Variants in CDKN2A observed in about 807,000 individuals in gnomAD.
The protein encoded by CDKN2A is cyclin-dependent kinase inhibitor 2A.
CDKN2A carries 3 observed loss-of-function variants against 11.1 expected under a neutral mutation model. That is an observed-to-expected ratio of 0.27 (90% CI 0.12 to 0.70). CDKN2A has a LOEUF of 0.70. CDKN2A is among the 30% of genes least tolerant of loss of function. The pLI, the probability that CDKN2A is intolerant of heterozygous loss-of-function variation, is 0.77. For missense variants in CDKN2A, 265 were observed against 233.6 expected, an observed-to-expected ratio of 1.13 and a Z score of -0.88; for synonymous variants, 122 against 108.1, an observed-to-expected ratio of 1.13 and a Z score of -0.80.
chr9:21,974,536 T>A lies in CDKN2A; in HGVS notation c.150+142A>T, dbSNP rs759140308. ...GCGTCGCCAGGAGGAGGTCTGTGAT[T>A]ACAAACCCCTTCTGAAAACTCCCCA... On this transcript the variant is annotated intron_variant, in intron 1 of 2. Transcript: ENST00000304494. The surrounding 1 kb of genome is among the most constrained non-coding windows in gnomAD (Gnocchi z 5.2). The A allele has an allele frequency of 6.2e-7, 1 of 1,613,272 alleles. No homozygotes were observed.
intron 2 of CDKN2A, among the ~76,000 whole-genome samples, chr9:21,986,886 A>C (rs1820311685): frequency 6.6e-6 from 1 of 152,066 alleles, no homozygotes; most frequent in Non-Finnish European, 1.5e-5. Context: ...TGGGGGAGTC[A>C]TTGTTCTCTA....
upstream of CDKN2A, among the ~76,000 whole-genome samples, chr9:21,979,075 C>T (rs139221408): frequency 2.4e-4 from 36 of 152,236 alleles, no homozygotes; most frequent in African/African-American, 7.9e-4. Context: ...CAAAGGCTTC[C>T]GGATGCTGAG....
intron 2 of CDKN2A, chr9:21,969,862 G>T: frequency 2.5e-6 from 1 of 398,150 alleles, no homozygotes; most frequent in Non-Finnish European, 4.4e-6. Context: ...CTTTAACTTC[G>T]AAGGTGATTT....
Position 21,971,299 on chromosome 9 carries a change from C to A in CDKN2A, c.151-91G>T, listed in dbSNP as rs963079357. 2.9e-5 allele frequency: 45 copies of A among 1,535,480 alleles called. No homozygotes were observed. In the African/African-American group the frequency reaches 5.3e-4, roughly 18 times the overall value. ...TAGAGCCCCCTCACCGCCAAGCAGA[C>A]CCCCACACAAGCCCCAGGTGTCTAA... On this transcript the variant is annotated intron_variant, in intron 1 of 2. Coordinates refer to ENST00000304494, the MANE Select transcript of CDKN2A (RefSeq NM_000077.5).
chr9:21,983,514 C>T (rs936039286), intron 2 of CDKN2A, among the ~76,000 whole-genome samples: 1 of 152,020 alleles, frequency 6.6e-6, no homozygotes, highest in African/African-American at 2.4e-5. Flanking sequence ...TCCCTGTTGT[C>T]AGATATTTAA....
At chr9:21,971,330 C>T (rs748156512) in intron 1 of CDKN2A, 122 bp from the exon 2 acceptor site, 2 of 1,514,006 alleles carry the variant, frequency 1.3e-6, no homozygotes, top group African/African-American at 2.8e-5. Context: ...TCTAATTACC[C>T]CTACATTTGC....
intron 2 of CDKN2A, chr9:21,969,903 G>A (rs1819620331): frequency 1.5e-5 from 6 of 396,940 alleles, no homozygotes; most frequent in Admixed American, 4.4e-5. Flanking sequence ...TCTCCAAGCA[G>A]AGGGCTTAGA....
chr9:21,977,636 G>A (rs1018563389), upstream of CDKN2A, among the ~76,000 whole-genome samples: 1 of 152,198 alleles, frequency 6.6e-6, no homozygotes, highest in African/African-American at 2.4e-5. Context: ...AAAGTGCTGG[G>A]ATTACAGGCA....
intron 2 of CDKN2A, among the ~76,000 whole-genome samples, chr9:21,981,366 G>A (rs1234024144): frequency 6.6e-6 from 1 of 151,156 alleles, no homozygotes; most frequent in Admixed American, 6.6e-5. Flanking sequence ...GTCTGGAAAA[G>A]CTCCCATAAT....
At chr9:21,977,648 G>A (rs949301691), upstream of CDKN2A, among the ~76,000 whole-genome samples, 4 of 152,234 alleles carry the variant, frequency 2.6e-5, no homozygotes, top group African/African-American at 4.8e-5. Context: ...TTACAGGCAT[G>A]AGCCATCGTG....
In CDKN2A at chr9:21,974,581, G is replaced by A. The variant is rs771851528; in HGVS notation, c.150+97C>T. The A allele has an allele frequency of 3.1e-6, 5 of 1,613,762 alleles. No homozygotes were observed. The highest frequency in any genetic ancestry group is 4.2e-6 in the Non-Finnish European group (5 of 1,179,982). On this transcript the variant is annotated intron_variant, in intron 1 of 2. Transcript: ENST00000304494. This position sits in a 1 kb window ranked among gnomAD's most constrained non-coding sequence, Gnocchi z 5.2. ...TCCCCAGGAAGCCTCCCCTTTTTCC[G>A]GAGAATCGAAGCGCTACCTGATTCC...
chr9:21,984,097 T>C (rs1820252607), intron 2 of CDKN2A, among the ~76,000 whole-genome samples: 4 of 152,014 alleles, frequency 2.6e-5, no homozygotes, highest in Admixed American at 6.6e-5. Context: ...TATGAAGTTA[T>C]TCATTTAGGT....
At chr9:21,989,462 A>C (rs1486350927) in intron 2 of CDKN2A, 1 of 152,178 alleles carries the variant, frequency 6.6e-6, no homozygotes, top group Admixed American at 6.5e-5. Context: ...CACTGGAAAA[A>C]TACTACGGGC....
intron 2 of CDKN2A, among the ~76,000 whole-genome samples, chr9:21,985,767 T>C (rs771100511): frequency 6.6e-6 from 1 of 151,994 alleles, no homozygotes; most frequent in Non-Finnish European, 1.5e-5. Context: ...AGATCTTCTG[T>C]ACAGATGTGA....
At position 21,991,595 on chromosome 9, in the gene CDKN2A, A is replaced by G. The variant is rs1820431417; in HGVS notation, c.-4+2287T>C. 1.1e-6 allele frequency: 1 copy of G among 934,462 alleles called. No homozygotes were observed. Among genetic ancestry groups the G allele is most frequent in the East Asian group, 1.2e-4 (1 of 8,552 alleles). 57.9% of individuals were successfully genotyped at this position (934,462 alleles called of 1,614,324 possible). A position where few individuals can be genotyped will look rare whatever the true frequency, so the allele number is the denominator to read the frequency against. ...TGATACCATTTGTATCACTTTAGTA[A>G]TAGGAGTTTTTCATATGTTGGGAAA... On this transcript the variant is annotated intron_variant, in intron 2 of 3. Coordinates refer to the CDKN2A transcript ENST00000494262. The surrounding 1 kb of genome is among the most constrained non-coding windows in gnomAD (Gnocchi z 5.2).
At chr9:21,971,921 C>T (rs1257922044) in intron 1 of CDKN2A, among the ~76,000 whole-genome samples, 1 of 152,040 alleles carries the variant, frequency 6.6e-6, no homozygotes, top group East Asian at 1.9e-4. Flanking sequence ...CTATATTCAT[C>T]ATGCTATGAA....
intron 2 of CDKN2A, among the ~76,000 whole-genome samples, chr9:21,987,861 A>G (rs1242396417): frequency 3.3e-5 from 5 of 152,182 alleles, no homozygotes; most frequent in Admixed American, 2.0e-4. Flanking sequence ...TTGTGTCCCA[A>G]TGGGCCACTT....
chr9:21,973,692 A>G (rs929495641), intron 1 of CDKN2A, among the ~76,000 whole-genome samples: 1 of 152,248 alleles, frequency 6.6e-6, no homozygotes. Flanking sequence ...AACTATATCA[A>G]GTAAGCTAAA....
chr9:21,989,236 G>C (rs1365246080), intron 2 of CDKN2A: 2 of 152,158 alleles, frequency 1.3e-5, no homozygotes, highest in Non-Finnish European at 2.9e-5. Flanking sequence ...GGAAGAGTCA[G>C]ACCCTTTAAA....
Sources: allele counts gnomAD v4.1 joint callset (sites outside exome capture counted in the v4.1 genomes callset), GRCh38; gene constraint gnomAD v4.1.1; non-coding constraint Gnocchi (gnomAD v3.1); transcripts MANE v1.5; gene names NCBI Gene and HGNC (gene_info 2026-07-23, HGNC 2026-07-21).